ZC3H7A: variants seen among roughly 807,000 people sequenced by gnomAD.
ZC3H7A encodes the protein zinc finger CCCH domain-containing protein 7A.
A neutral mutation model predicts 125.5 loss-of-function variants in ZC3H7A; 44 were observed. The observed-to-expected ratio is 0.35, with a 90% CI of 0.28 to 0.45. The LOEUF (loss-of-function observed/expected upper bound fraction) is 0.45, where lower values mean the gene tolerates loss of function less well. ZC3H7A is among the 20% of genes least tolerant of loss of function. ZC3H7A has a pLI of 1.00. For synonymous variants in ZC3H7A, 399 were observed against 391.2 expected, an observed-to-expected ratio of 1.02 and a Z score of -0.23; for missense variants, 977 against 1,170.7, an observed-to-expected ratio of 0.83 and a Z score of 2.41.
rs1176378118 is a variant in ZC3H7A, at chr16:11,756,219, A to G, written c.2562+18T>C. 6 of 1,599,490 alleles carry G rather than the reference A, an allele frequency of 3.8e-6. No individual in the cohort carries two copies. In the Admixed American group the frequency reaches 9.0e-5, roughly 24 times the overall value. On this transcript the variant is annotated intron_variant, in intron 21 of 22. Coordinates refer to ENST00000355758, the MANE Select transcript of ZC3H7A (RefSeq NM_014153.4). ...CAATGGCTCGGCAAAGAGAGGGTAAATGACGCACGGTACTCACTGTAACTT... is the reference window on the plus strand; with the variant it reads ...CAATGGCTCGGCAAAGAGAGGGTAAGTGACGCACGGTACTCACTGTAACTT...
chr16:11,764,924 C>A, intron 15 of ZC3H7A, 129 bp downstream of exon 15: 2 of 595,680 alleles, frequency 3.4e-6, no homozygotes, highest in South Asian at 4.9e-5. Flanking sequence ...AAAATTTTGT[C>A]ATTGTTCTTC....
chr16:11,784,596 C>T (rs374420053), intron 1 of ZC3H7A, among the ~76,000 whole-genome samples: 2 of 152,040 alleles, frequency 1.3e-5, no homozygotes, highest in African/African-American at 4.8e-5. Context: ...TGGCTCGCGC[C>T]TGTAATCCAG....
At chr16:11,766,938 C>T (rs2052869805) in intron 13 of ZC3H7A, among the ~76,000 whole-genome samples, 1 of 152,132 alleles carries the variant, frequency 6.6e-6, no homozygotes, top group African/African-American at 2.4e-5. Context: ...ATTAACATCT[C>T]AATCCAAGGA....
Position 11,767,504 on chromosome 16 carries a change from T to G in ZC3H7A, c.1435A>C (p.Ile479Leu), listed in dbSNP as rs1358889711. ...KCKKDILIGR[I>L]KNVEDKSWKK... is the part of the protein sequence containing the mutation. ...CATGATTTATCTTCAACATTCTTTA[T>G]CCTACCGATTAAAATATCTTTCTTA... is the stretch of plus-strand genomic sequence containing the variant. Residue 479 changes from isoleucine to leucine, a missense_variant, in exon 13 of 23, where the codon ATA becomes CTA. Coordinates refer to ENST00000355758, the MANE Select transcript of ZC3H7A (RefSeq NM_014153.4). 2 of 1,612,626 alleles carry G rather than the reference T, an allele frequency of 1.2e-6. No homozygotes were observed. The highest frequency in any genetic ancestry group is 1.1e-5 in the South Asian group (1 of 90,894).
chr16:11,756,107 G>A lies in ZC3H7A; in HGVS notation c.2562+130C>T. On this transcript the variant is annotated intron_variant, in intron 21 of 22. Transcript: ENST00000355758. Reference sequence around the variant, plus strand: ...GAACCAGGGAGGCGGAGGTTGCAGTGAGCTGAAATCACACCACTGCACTCC... The same window carrying A: ...GAACCAGGGAGGCGGAGGTTGCAGTAAGCTGAAATCACACCACTGCACTCC... 4.5e-6 allele frequency: 6 copies of A among 1,324,716 alleles called. No homozygotes were observed. In the South Asian group the frequency reaches 6.0e-5, roughly 13 times the overall value. The allele number at this position is 1,324,716 out of a possible 1,614,324, so 82.1% of individuals were successfully genotyped here.
chr16:11,761,873 T>C (rs899558398), intron 18 of ZC3H7A, 37 bp downstream of exon 18: 2 of 1,602,772 alleles, frequency 1.2e-6, no homozygotes, highest in East Asian at 2.2e-5. Context: ...AAACAGAAAA[T>C]TACAAAATAG....
Position 11,776,593 on chromosome 16 carries a change from G to C in ZC3H7A, c.466-61C>G, listed in dbSNP as rs2053084360. The C allele has an allele frequency of 2.0e-6, 3 of 1,522,180 alleles. No individual in the cohort carries two copies. The South Asian group carries it at 3.7e-5, about 19-fold the overall frequency. 94.3% of individuals were successfully genotyped at this position (1,522,180 alleles called of 1,614,324 possible). On this transcript the variant is annotated intron_variant, in intron 5 of 22. Transcript: ENST00000355758. ...TATTTACTAATGGTGAAGAAGAATAGACAAAACAGGGAAGTTTCCCATCAA... is the reference window on the plus strand; with the variant it reads ...TATTTACTAATGGTGAAGAAGAATACACAAAACAGGGAAGTTTCCCATCAA...
chr16:11,787,941 C>T (rs1280210220), intron 1 of ZC3H7A, among the ~76,000 whole-genome samples: 8 of 150,298 alleles, frequency 5.3e-5, no homozygotes, highest in Non-Finnish European at 3.0e-5. Flanking sequence ...AGCAAGACTT[C>T]GTTTCCAAAG....
intron 2 of ZC3H7A, among the ~76,000 whole-genome samples, 187 bp from the exon 3 acceptor site, chr16:11,781,651 C>CAT (rs3972315): frequency 0.12 from 17,196 of 144,790 alleles, 1,055 homozygotes; most frequent in Non-Finnish European, 0.14. Context: ...AATACATATA[C>CAT]ATATATATAT....
At chr16:11,782,262 A>C (rs376108248) in intron 2 of ZC3H7A, 25 bp downstream of exon 2, 270 of 1,613,946 alleles carry the variant, frequency 1.7e-4, no homozygotes, top group Non-Finnish European at 2.2e-4. Context: ...ACGCGGCAAG[A>C]ACACAAGAAC....
At chr16:11,782,219 C>T (rs1020505316) in intron 2 of ZC3H7A, 68 bp downstream of exon 2, 27 of 1,573,722 alleles carry the variant, frequency 1.7e-5, no homozygotes, top group Non-Finnish European at 2.4e-5. Context: ...TTCTTCCTCT[C>T]CACAAAACAT....
At chr16:11,789,634 G>A (rs1267368792) in intron 1 of ZC3H7A, among the ~76,000 whole-genome samples, 2 of 152,180 alleles carry the variant, frequency 1.3e-5, no homozygotes, top group African/African-American at 2.4e-5. Context: ...TCTAATCAGT[G>A]TGTTCGTTTT....
intron 1 of ZC3H7A, among the ~76,000 whole-genome samples, chr16:11,791,790 C>G (rs2053356306): frequency 6.6e-6 from 1 of 152,218 alleles, no homozygotes. Flanking sequence ...TGGGAACTGC[C>G]TGGAGACAGC....
At chr16:11,758,759 A>C (rs2052694226) in intron 19 of ZC3H7A, 1 of 489,586 alleles carries the variant, frequency 2.0e-6, no homozygotes, top group Admixed American at 3.9e-5. Context: ...AAAATGTCCA[A>C]AACAGAGTAA....
At chr16:11,783,984 G>C (rs574879704) in intron 1 of ZC3H7A, among the ~76,000 whole-genome samples, 9 of 137,320 alleles carry the variant, frequency 6.6e-5, no homozygotes, top group South Asian at 2.2e-4. Context: ...AACAAAAAAG[G>C]GGGGGGCTGT....
rs761536849 is a variant in ZC3H7A, at chr16:11,763,515, A to C, written c.1965T>G (p.Leu655=). 6 of 1,607,730 alleles carry C rather than the reference A, an allele frequency of 3.7e-6. No individual in the cohort carries two copies. The highest frequency in any genetic ancestry group is 5.1e-6 in the Non-Finnish European group (6 of 1,176,722). Residue 655 remains leucine, a synonymous_variant, in exon 16 of 23, where the codon CTT becomes CTG. Coordinates refer to ENST00000355758, the MANE Select transcript of ZC3H7A (RefSeq NM_014153.4). ...GCATTATCCAGACTTTCAGTTCCAC[A>C]AGACTATGGGCATAAAAGCACTCAT... The part of the protein sequence containing the change: ...REDECFYAHS[L]VELKVWIMQN...
intron 21 of ZC3H7A, among the ~76,000 whole-genome samples, chr16:11,755,904 C>G (rs2052638458): frequency 6.6e-6 from 1 of 152,186 alleles, no homozygotes; most frequent in South Asian, 2.1e-4. Context: ...GTGGCTCACG[C>G]TTGTAATCCC....
intron 21 of ZC3H7A, among the ~76,000 whole-genome samples, chr16:11,754,391 G>C (rs2052603408): frequency 6.7e-6 from 1 of 150,254 alleles, no homozygotes; most frequent in African/African-American, 2.4e-5. Context: ...GAATCAATGT[G>C]ACAAAGGTAA....
chr16:11,789,066 T>C (rs1314877497), intron 1 of ZC3H7A, among the ~76,000 whole-genome samples: 1 of 152,098 alleles, frequency 6.6e-6, no homozygotes, highest in Non-Finnish European at 1.5e-5. Context: ...TAAAACCCAG[T>C]GAGGCCCATA....
Sources: allele counts gnomAD v4.1 joint callset (sites outside exome capture counted in the v4.1 genomes callset), GRCh38; gene constraint gnomAD v4.1.1; transcripts MANE v1.5; gene names NCBI Gene and HGNC (gene_info 2026-07-23, HGNC 2026-07-21).